Variants in MICU3 observed in about 807,000 individuals in gnomAD.
The protein encoded by MICU3 is mitochondrial calcium uptake 3.
Under a neutral mutation model 66.5 loss-of-function variants are expected in MICU3, and 62 were observed. The ratio of observed to expected loss-of-function variants is 0.93; its 90% confidence interval spans 0.76 to 1.15. The LOEUF is 1.15. MICU3 is among the 50% of genes most tolerant of loss of function. MICU3 has a pLI of 0.00. For missense variants in MICU3, 779 were observed against 664.4 expected, an observed-to-expected ratio of 1.17 and a Z score of -1.90; for synonymous variants, 308 against 240.7, an observed-to-expected ratio of 1.28 and a Z score of -2.59.
intron 1 of MICU3, among the ~76,000 whole-genome samples, chr8:17,053,282 A>C (rs1816401472): frequency 6.6e-6 from 1 of 152,160 alleles, no homozygotes. Flanking sequence ...GGTAGGCGTA[A>C]GTTTCTCTAA....
intron 11 of MICU3, among the ~76,000 whole-genome samples, chr8:17,110,736 T>G (rs534227813): frequency 1.1e-3 from 165 of 145,096 alleles, no homozygotes; most frequent in African/African-American, 3.4e-3. Flanking sequence ...GCAATTTTTT[T>G]GGGGAGGGGG....
At chr8:17,050,451 T>C (rs1364457649) in intron 1 of MICU3, among the ~76,000 whole-genome samples, 3 of 152,104 alleles carry the variant, frequency 2.0e-5, no homozygotes, top group African/African-American at 7.2e-5. Context: ...TCCATTTTTA[T>C]TGATATTTTT....
intron 2 of MICU3, among the ~76,000 whole-genome samples, chr8:17,069,151 A>T (rs981107492): frequency 2.6e-5 from 4 of 152,052 alleles, no homozygotes; most frequent in East Asian, 1.9e-4. Flanking sequence ...GAGTAATGAA[A>T]CAGGACAAGT....
chr8:17,086,850 T>C (rs1183801605), intron 6 of MICU3, 114 bp from the exon 7 acceptor site: 2 of 677,790 alleles, frequency 3.0e-6, no homozygotes, highest in African/African-American at 1.8e-5. Context: ...GTTTAAATGT[T>C]CTTGGTGGAT....
At chr8:17,033,013 T>C (rs777310027) in intron 1 of MICU3, among the ~76,000 whole-genome samples, 1 of 152,206 alleles carries the variant, frequency 6.6e-6, no homozygotes, top group Non-Finnish European at 1.5e-5. Context: ...GTTTCCTCCA[T>C]GAACCAGCTT....
chr8:17,088,103 T>C (rs1799661279), intron 7 of MICU3, among the ~76,000 whole-genome samples: 1 of 152,010 alleles, frequency 6.6e-6, no homozygotes, highest in South Asian at 2.1e-4. Flanking sequence ...ATTTATGAAG[T>C]GTACGTTTAT....
chr8:17,094,258 G>T (rs1800423379), intron 8 of MICU3, among the ~76,000 whole-genome samples: 2 of 152,018 alleles, frequency 1.3e-5, no homozygotes, highest in Admixed American at 1.3e-4. Context: ...GCTGTTAACA[G>T]TGGCTTTCAA....
At chr8:17,118,610 C>T in intron 13 of MICU3, 97 bp from the exon 14 acceptor site, 1 of 778,172 alleles carries the variant, frequency 1.3e-6, no homozygotes, top group Non-Finnish European at 2.2e-6. Flanking sequence ...CTACTCTCCA[C>T]TTCTATGAGT....
intron 11 of MICU3, among the ~76,000 whole-genome samples, chr8:17,108,941 C>T (rs1218154789): frequency 6.6e-6 from 1 of 152,092 alleles, no homozygotes; most frequent in Non-Finnish European, 1.5e-5. Flanking sequence ...TACTGTTTCT[C>T]AAATCTTCTG....
chr8:17,078,651 C>T (rs6992842), intron 4 of MICU3, among the ~76,000 whole-genome samples: 65,045 of 151,694 alleles, frequency 0.43, 14,386 homozygotes, highest in African/African-American at 0.53. Context: ...CCAATATTGG[C>T]TTGAAAATAA....
chr8:17,136,049 T>C, the MICU3 span, among the ~76,000 whole-genome samples: 1 of 152,118 alleles, frequency 6.6e-6, no homozygotes, highest in East Asian at 1.9e-4. Flanking sequence ...TAGGACATAG[T>C]TGAGATAATT....
chr8:17,075,138 G>T (rs1235410950), intron 3 of MICU3, among the ~76,000 whole-genome samples: 3 of 152,132 alleles, frequency 2.0e-5, no homozygotes, highest in Non-Finnish European at 4.4e-5. Flanking sequence ...GGCAAGGTCT[G>T]GGAAGGTCCT....
intron 3 of MICU3, among the ~76,000 whole-genome samples, chr8:17,076,628 A>C (rs1585363837): frequency 6.6e-6 from 1 of 152,318 alleles, no homozygotes; most frequent in East Asian, 1.9e-4. Flanking sequence ...CTGCTAGCTC[A>C]GCTTTGCAGT....
rs145821159 is a variant in MICU3, at chr8:17,097,786, A to C, written c.889-672A>C. Among the ~76,000 whole-genome samples the C allele has an allele frequency of 5.8e-3, 878 of 151,338 alleles. 8 individuals carry two copies. Among genetic ancestry groups the C allele is most frequent in the African/African-American group, 0.017 (701 of 41,302 alleles). ...TTTGACATCTTCCTAGAGTGATTAG[A>C]CTACACTTTTTAATCTACACTTCCT... On this transcript the variant is annotated intron_variant, in intron 8 of 14. Transcript: ENST00000318063.
Position 17,082,074 on chromosome 8 carries a change from C to G in MICU3, c.694+334C>G, listed in dbSNP as rs528204439. On this transcript the variant is annotated intron_variant, in intron 5 of 14. Coordinates refer to ENST00000318063, the MANE Select transcript of MICU3 (RefSeq NM_181723.3). ...GTACTCATTTGAATCATATTTTCTG[C>G]CAGACTGATGTGAGAGAGAGTGTCT... The G allele has an allele frequency of 4.7e-4, 86 of 183,576 alleles. 1 individual carries two copies. Among genetic ancestry groups the G allele is most frequent in the South Asian group, 2.7e-3 (26 of 9,602 alleles). The allele number at this position is 183,576 out of a possible 1,614,324, so 11.4% of individuals were successfully genotyped here. A position where few individuals can be genotyped will look rare whatever the true frequency, so the allele number is the denominator to read the frequency against.
chr8:17,073,222 A>G (rs551272217), intron 3 of MICU3, among the ~76,000 whole-genome samples: 6 of 152,256 alleles, frequency 3.9e-5, no homozygotes, highest in African/African-American at 1.2e-4. Context: ...TGCCACAGAA[A>G]TCCTATATAT....
intron 2 of MICU3, among the ~76,000 whole-genome samples, chr8:17,065,644 G>A (rs1405903465): frequency 6.6e-6 from 1 of 152,194 alleles, no homozygotes. Flanking sequence ...CCAATTGAGT[G>A]CAGTGTTACT....
rs188654790 is a variant in MICU3, at chr8:17,041,918, G to A, written c.381+14258G>A. ...CTCGGAGCAAGATACAGAAATATGC[G>A]GAGTAACTATGATAGAGGTTTGGGG... On this transcript the variant is annotated intron_variant, in intron 1 of 14. Coordinates refer to ENST00000318063, the MANE Select transcript of MICU3 (RefSeq NM_181723.3). Among the ~76,000 whole-genome samples, 404 of 152,250 alleles carry A rather than the reference G, an allele frequency of 2.7e-3. 16 individuals carry two copies. In the South Asian group the frequency reaches 0.076, roughly 29 times the overall value.
At position 17,052,170 on chromosome 8, in the gene MICU3, G is replaced by A. The variant is rs2150573369; in HGVS notation, c.382-11914G>A. On this transcript the variant is annotated intron_variant, in intron 1 of 14. Coordinates refer to ENST00000318063, the MANE Select transcript of MICU3 (RefSeq NM_181723.3). The stretch of plus-strand genomic sequence containing the variant: ...ATAAACTTGTAAAGAACCCTATAAT[G>A]TAAGCTACTATAATAATACAAGTAG... Among the ~76,000 whole-genome samples the A allele has an allele frequency of 2.6e-5, 4 of 152,134 alleles. No individual in the cohort carries two copies. In the South Asian group the frequency reaches 8.3e-4, roughly 32 times the overall value.
Sources: allele counts gnomAD v4.1 joint callset (sites outside exome capture counted in the v4.1 genomes callset), GRCh38; gene constraint gnomAD v4.1.1; transcripts MANE v1.5; gene names NCBI Gene and HGNC (gene_info 2026-07-23, HGNC 2026-07-21).